RAB3C: variants seen among roughly 807,000 people sequenced by gnomAD.
RAB3C encodes ras-related protein Rab-3C.
RAB3C carries 17 observed loss-of-function variants against 26.4 expected under a neutral mutation model. The ratio of observed to expected loss-of-function variants is 0.64; its 90% CI spans 0.44 to 0.97. The LOEUF is 0.97. Among genes scored for constraint, RAB3C ranks in the 50% least tolerant of loss-of-function variants. The probability of loss-of-function intolerance (pLI) is 0.00; values close to 1 mark genes in which losing one functional copy is unlikely to be tolerated. For missense variants in RAB3C, 242 were observed against 281.9 expected (o/e 0.86, Z 1.01); for synonymous variants, 91 against 95.9 (o/e 0.95, Z 0.30).
intron 3 of RAB3C, among the ~76,000 whole-genome samples, chr5:58,780,731 T>G (rs1742252629): frequency 6.6e-6 from 1 of 152,122 alleles, no homozygotes; most frequent in Non-Finnish European, 1.5e-5. Flanking sequence ...TTCACGACCC[T>G]TTGTGGCCAA....
At chr5:58,800,444 A>T (rs1225390035) in intron 3 of RAB3C, among the ~76,000 whole-genome samples, 1 of 152,168 alleles carries the variant, frequency 6.6e-6, no homozygotes, top group African/African-American at 2.4e-5. Context: ...TAAGCTATTA[A>T]TTCTATAGGC....
intron 2 of RAB3C, among the ~76,000 whole-genome samples, chr5:58,715,111 A>C (rs556279346): frequency 2.0e-5 from 3 of 152,168 alleles, no homozygotes; most frequent in Non-Finnish European, 4.4e-5. Flanking sequence ...CAAGTACCAG[A>C]GATTCAACCA....
At chr5:58,653,915 A>T (rs1407340507) in intron 2 of RAB3C, among the ~76,000 whole-genome samples, 2 of 152,216 alleles carry the variant, frequency 1.3e-5, no homozygotes, top group Non-Finnish European at 2.9e-5. Context: ...CATGTAATCT[A>T]CTTATGGTGC....
intron 3 of RAB3C, among the ~76,000 whole-genome samples, chr5:58,809,670 C>T (rs960774954): frequency 4.6e-5 from 7 of 152,074 alleles, no homozygotes; most frequent in Admixed American, 3.9e-4. Flanking sequence ...GTTTTAAACA[C>T]GGTCATGTGG....
At chr5:58,709,340 C>T (rs964092972) in intron 2 of RAB3C, among the ~76,000 whole-genome samples, 3 of 152,174 alleles carry the variant, frequency 2.0e-5, no homozygotes, top group African/African-American at 4.8e-5. Context: ...GGGACTCACC[C>T]TCTGTACACC....
rs529424335 is a variant in RAB3C at position 58,693,023 on chromosome 5, C to T, written c.253-32979C>T. Among the ~76,000 whole-genome samples the T allele has an allele frequency of 2.9e-3, 444 of 151,782 alleles. 2 individuals are homozygous for T. The highest frequency in any genetic ancestry group is 9.6e-3 in the African/African-American group (397 of 41,434). ...TCAGGAGGCTGAGGCAGGAGAATCGCTTGAACCCAGGAGGCAGAGGTTGCA... is the reference window on the plus strand; with the variant it reads ...TCAGGAGGCTGAGGCAGGAGAATCGTTTGAACCCAGGAGGCAGAGGTTGCA... On this transcript the variant is annotated intron_variant, in intron 2 of 4. Transcript: ENST00000282878.
intron 2 of RAB3C, among the ~76,000 whole-genome samples, chr5:58,623,144 T>C (rs1386588087): frequency 2.6e-5 from 4 of 152,228 alleles, no homozygotes; most frequent in African/African-American, 9.6e-5. Flanking sequence ...CACATAGATA[T>C]GCACAGAAGG....
intron 1 of RAB3C, among the ~76,000 whole-genome samples, chr5:58,596,485 GTAAATATATATA>G (rs1349239313): frequency 3.0e-5 from 4 of 134,602 alleles, no homozygotes; most frequent in Non-Finnish European, 6.1e-5. Context: ...TACATATATA[GTAAATATATATA>G]TAAATATATA....
At chr5:58,794,575 T>C (rs1438521912) in intron 3 of RAB3C, 1 of 152,206 alleles carries the variant, frequency 6.6e-6, no homozygotes, top group African/African-American at 2.4e-5. Flanking sequence ...TGCCAGTCGG[T>C]GTGAATATTC....
intron 3 of RAB3C, among the ~76,000 whole-genome samples, chr5:58,761,529 C>A (rs1171295222): frequency 6.6e-6 from 1 of 152,046 alleles, no homozygotes; most frequent in Non-Finnish European, 1.5e-5. Context: ...TCCAAGGTAA[C>A]CAATCATATC....
rs577526256 is a variant in RAB3C, at chr5:58,699,131, T to G, written c.253-26871T>G. Among the ~76,000 whole-genome samples the G allele has an allele frequency of 2.0e-5, 3 of 152,240 alleles. No individual in the cohort carries two copies. The South Asian group carries it at 6.2e-4, about 32-fold the overall frequency. On this transcript the variant is annotated intron_variant, in intron 2 of 4. Coordinates refer to ENST00000282878, the MANE Select transcript of RAB3C (RefSeq NM_138453.4). ...GTTTTGGTGTAGATGACCTTTTTGT[T>G]GATGTCGATGCTATTCCTTTCTGTT... is the stretch of plus-strand genomic sequence containing the variant.
chr5:58,750,780 T>C (rs1272770709), intron 3 of RAB3C, among the ~76,000 whole-genome samples: 1 of 152,206 alleles, frequency 6.6e-6, no homozygotes, highest in Non-Finnish European at 1.5e-5. Context: ...AAAAGAAGGA[T>C]GTGCCATCAT....
intron 2 of RAB3C, among the ~76,000 whole-genome samples, chr5:58,719,745 T>C (rs1376419434): frequency 6.6e-6 from 1 of 151,932 alleles, no homozygotes; most frequent in African/African-American, 2.4e-5. Flanking sequence ...CTTTCTCCTC[T>C]GAGTGTTATA....
intron 4 of RAB3C, among the ~76,000 whole-genome samples, chr5:58,849,453 C>T (rs143729841): frequency 2.6e-5 from 4 of 152,294 alleles, no homozygotes; most frequent in African/African-American, 9.6e-5. Context: ...GATTGAATTA[C>T]TGGAAGTTGA....
intron 3 of RAB3C, among the ~76,000 whole-genome samples, chr5:58,780,653 C>T (rs919991645): frequency 6.6e-6 from 1 of 152,042 alleles, no homozygotes; most frequent in African/African-American, 2.4e-5. Flanking sequence ...ATGCATTCAG[C>T]AAAATTCAGA....
intron 3 of RAB3C, among the ~76,000 whole-genome samples, chr5:58,784,548 G>A (rs894573116): frequency 5.3e-5 from 8 of 152,124 alleles, no homozygotes; most frequent in Admixed American, 2.0e-4. Context: ...CATATCACTC[G>A]GTTTACATGT....
In RAB3C at chr5:58,852,562, A is replaced by G. The variant is rs975738621; in HGVS notation, c.*1211A>G. ...TTAAGTTACACAGGAAACATTCTAT[A>G]ACTGTAGTATTTCAATTTCAGAAAT... On this transcript the variant is annotated 3_prime_UTR_variant, in exon 5 of 5. Coordinates refer to ENST00000282878, the MANE Select transcript of RAB3C (RefSeq NM_138453.4). 4 of 152,330 alleles carry G rather than the reference A, an allele frequency of 2.6e-5. No individual in the cohort carries two copies. The highest frequency in any genetic ancestry group is 4.4e-5 in the Non-Finnish European group (3 of 68,028). The allele number at this position is 152,330 out of a possible 1,614,324, so 9.4% of individuals were successfully genotyped here.
At chr5:58,791,067 T>TAAAA (rs3060348) in intron 3 of RAB3C, among the ~76,000 whole-genome samples, 1 of 148,968 alleles carries the variant, frequency 6.7e-6, no homozygotes, top group Non-Finnish European at 1.5e-5. Flanking sequence ...TTTTTGACAT[T>TAAAA]AAAAAAAAAA....
chr5:58,582,969 C>T (rs757571040), upstream of RAB3C: 2 of 1,144,864 alleles, frequency 1.7e-6, no homozygotes, highest in East Asian at 2.7e-5. Flanking sequence ...TGTAGTTCAC[C>T]GCTCGCCCGT....
Sources: allele counts gnomAD v4.1 joint callset (sites outside exome capture counted in the v4.1 genomes callset), GRCh38; gene constraint gnomAD v4.1.1; transcripts MANE v1.5; gene names NCBI Gene and HGNC (gene_info 2026-07-23, HGNC 2026-07-21).